The following SH3RF2 variants were observed in gnomAD, a reference collection of about 807,000 sequenced individuals.
The protein encoded by SH3RF2 is E3 ubiquitin-protein ligase SH3RF2.
A neutral mutation model predicts 59.0 loss-of-function variants in SH3RF2; 43 were observed. That is an observed-to-expected ratio of 0.73 (90% CI 0.57 to 0.94). SH3RF2 has a LOEUF of 0.94. SH3RF2 is among the 40% of genes least tolerant of loss of function. The pLI is 0.00. For missense variants in SH3RF2, 930 were observed against 940.1 expected, an observed-to-expected ratio of 0.99 and a Z score of 0.14; for synonymous variants, 391 against 391.5, an observed-to-expected ratio of 1.00 and a Z score of 0.01.
chr5:146,040,096 A>G (rs1762071441), intron 5 of SH3RF2, among the ~76,000 whole-genome samples: 2 of 152,220 alleles, frequency 1.3e-5, no homozygotes, highest in African/African-American at 4.8e-5. Context: ...GGAATGATTA[A>G]CACAAACTTC....
rs1405493280 is a variant in SH3RF2, at chr5:146,073,752, A to G, written c.*34-4708A>G. Among the ~76,000 whole-genome samples, 3 of 152,310 alleles carry G rather than the reference A, an allele frequency of 2.0e-5. No homozygotes were observed. The East Asian group carries it at 5.8e-4, about 29-fold the overall frequency. On this transcript the variant is annotated intron_variant, in intron 9 of 9. Coordinates refer to the SH3RF2 transcript ENST00000511217. ...TGGGATACAGCAGTGAACAACACAGATAAGGTTCCTACCTGCAGGAAGTGG... is the reference window on the plus strand; with the variant it reads ...TGGGATACAGCAGTGAACAACACAGGTAAGGTTCCTACCTGCAGGAAGTGG...
chr5:146,074,674 A>G (rs1193962004), intron 9 of SH3RF2, among the ~76,000 whole-genome samples: 1 of 152,204 alleles, frequency 6.6e-6, no homozygotes. Context: ...CTTCGTTATC[A>G]TTAGGGTATA....
At chr5:146,001,551 G>C (rs968604337) in intron 3 of SH3RF2, among the ~76,000 whole-genome samples, 3 of 152,182 alleles carry the variant, frequency 2.0e-5, no homozygotes, top group African/African-American at 4.8e-5. Flanking sequence ...CTAGAGGAAA[G>C]TCAGTTCAAT....
downstream of SH3RF2, among the ~76,000 whole-genome samples, chr5:146,064,664 GAGAAAGAAAGAAAGAAAGAAAGA>G (rs1763014014): frequency 2.4e-4 from 1 of 4,252 alleles, no homozygotes; most frequent in African/African-American, 4.4e-4. Flanking sequence ...GAGAGAGAAA[GAGAAAGAAAGAAAGAAAGAAAGA>G]AAGAAAGAAA....
At chr5:145,943,453 CAA>C (rs1561702285) in intron 2 of SH3RF2, among the ~76,000 whole-genome samples, 1 of 152,050 alleles carries the variant, frequency 6.6e-6, no homozygotes, top group Admixed American at 6.6e-5. Context: ...AAATAAATGC[CAA>C]GAGACAAAAG....
chr5:145,974,458 G>A (rs139037188), intron 2 of SH3RF2, among the ~76,000 whole-genome samples: 2,333 of 152,182 alleles, frequency 0.015, 33 homozygotes, highest in Middle Eastern at 0.034. Flanking sequence ...GGATAGGAAA[G>A]GAAGGAAAAG....
At position 145,940,819 on chromosome 5, in the gene SH3RF2, G is replaced by T. The variant is rs139124923; in HGVS notation, c.378+2513G>T. On this transcript the variant is annotated intron_variant, in intron 2 of 9. Transcript: ENST00000359120. ...TATAAAAACAGACAGCTACTGTGAG[G>T]TTTAACTAATTAGTATCTCCAAAAC... is the stretch of plus-strand genomic sequence containing the variant. 7.1e-4 allele frequency among the ~76,000 whole-genome samples: 108 copies of T among 152,250 alleles called. 2 individuals carry two copies. In the East Asian group the frequency reaches 0.019, roughly 27 times the overall value.
chr5:146,000,372 G>A, intron 3 of SH3RF2, 45 bp downstream of exon 3: 6 of 1,558,598 alleles, frequency 3.8e-6, no homozygotes, highest in South Asian at 1.3e-5. Flanking sequence ...ACCACGTAGA[G>A]ACCATAGCAG....
intron 2 of SH3RF2, among the ~76,000 whole-genome samples, chr5:145,970,533 T>C (rs1759039385): frequency 6.6e-6 from 1 of 152,220 alleles, no homozygotes; most frequent in Non-Finnish European, 1.5e-5. Flanking sequence ...GATGGGCATT[T>C]AGGCTGGTTC....
At chr5:146,019,733 C>A (rs1761238303) in intron 5 of SH3RF2, among the ~76,000 whole-genome samples, 1 of 152,136 alleles carries the variant, frequency 6.6e-6, no homozygotes, top group Non-Finnish European at 1.5e-5. Context: ...AATCTATGAA[C>A]ATGGGACGTA....
chr5:146,078,761 G>A (rs1048108282), exon 10 of SH3RF2: 1 of 152,232 alleles, frequency 6.6e-6, no homozygotes, highest in African/African-American at 2.4e-5. Flanking sequence ...GTTACTCACT[G>A]CTGTTGTCAA....
At chr5:145,974,738 T>C (rs1759222071) in intron 2 of SH3RF2, among the ~76,000 whole-genome samples, 1 of 152,142 alleles carries the variant, frequency 6.6e-6, no homozygotes, top group Non-Finnish European at 1.5e-5. Flanking sequence ...TGCTACACTC[T>C]ATAGCCCAAG....
intron 2 of SH3RF2, among the ~76,000 whole-genome samples, chr5:145,956,719 G>C (rs545020397): frequency 6.6e-6 from 1 of 152,300 alleles, no homozygotes; most frequent in East Asian, 1.9e-4. Flanking sequence ...TTGTAGAAGG[G>C]GAAGGATCAA....
intron 5 of SH3RF2, among the ~76,000 whole-genome samples, chr5:146,024,049 G>T (rs1457878969): frequency 1.3e-5 from 2 of 152,122 alleles, no homozygotes; most frequent in Non-Finnish European, 2.9e-5. Flanking sequence ...TGGCTATTTT[G>T]AATAATGCTG....
At chr5:146,044,296 G>A (rs775126052) in intron 5 of SH3RF2, among the ~76,000 whole-genome samples, 6 of 152,080 alleles carry the variant, frequency 3.9e-5, no homozygotes, top group Middle Eastern at 3.4e-3. Flanking sequence ...AATTACAGGC[G>A]CATGCCACCA....
intron 2 of SH3RF2, among the ~76,000 whole-genome samples, chr5:145,960,322 G>A (rs1055909184): frequency 6.6e-6 from 1 of 152,254 alleles, no homozygotes; most frequent in Non-Finnish European, 1.5e-5. Flanking sequence ...ACATTCAAAA[G>A]AATCACAAAT....
intron 5 of SH3RF2, among the ~76,000 whole-genome samples, chr5:146,028,455 A>G (rs1009695972): frequency 6.6e-6 from 1 of 152,216 alleles, no homozygotes; most frequent in Admixed American, 6.5e-5. Flanking sequence ...TAGGAGATGA[A>G]TGAGATACTC....
chr5:146,013,910 C>T lies in SH3RF2; in HGVS notation c.908C>T (p.Thr303Ile). 6.2e-7 allele frequency: 1 copy of T among 1,614,156 alleles called. No homozygotes were observed. Among genetic ancestry groups the T allele is most frequent in the Non-Finnish European group, 8.5e-7 (1 of 1,180,020 alleles). ...RKVPGQFSIT[T>I]ALNTLNRMVH... ...GTGCCTGGGCAGTTTTCCATCACAACAGCCTTGAACACTCTCAACCGGATG... is the reference window on the plus strand; with the variant it reads ...GTGCCTGGGCAGTTTTCCATCACAATAGCCTTGAACACTCTCAACCGGATG... The change falls in exon 5 of 10, where the codon ACA (threonine) becomes ATA (isoleucine). Residue 303 changes from threonine (T) to isoleucine (I), a missense_variant. Coordinates refer to ENST00000359120, the MANE Select transcript of SH3RF2 (RefSeq NM_152550.4).
intron 2 of SH3RF2, among the ~76,000 whole-genome samples, chr5:145,988,868 A>G (rs1759820676): frequency 6.6e-6 from 1 of 152,168 alleles, no homozygotes; most frequent in Non-Finnish European, 1.5e-5. Flanking sequence ...AGAGAAGAGA[A>G]AACATACACA....
Sources: gnomAD v4.1 joint callset for allele counts (sites outside exome capture counted in the v4.1 genomes callset) on GRCh38, gnomAD v4.1.1 for gene constraint, MANE v1.5 for transcripts, NCBI Gene and HGNC (gene_info 2026-07-23, HGNC 2026-07-21) for gene names.